The following CNTN5 variants were observed in gnomAD, a reference collection of about 807,000 sequenced individuals.
CNTN5 encodes the protein contactin 5.
CNTN5 carries 77 observed loss-of-function variants against 129.1 expected under a neutral mutation model. That is an observed-to-expected ratio of 0.60 (90% CI 0.50 to 0.72). CNTN5 has a LOEUF of 0.72. Among genes scored for constraint, CNTN5 ranks in the 30% least tolerant of loss-of-function variants. The probability of loss-of-function intolerance (pLI) is 0.00; values close to 1 mark genes in which losing one functional copy is unlikely to be tolerated. For missense variants in CNTN5, 1,478 were observed against 1,328.8 expected (o/e 1.11, Z -1.75); for synonymous variants, 509 against 465.6 (o/e 1.09, Z -1.20).
chr11:99,048,596 A>G (rs564729362), intron 1 of CNTN5, among the ~76,000 whole-genome samples: 1 of 152,258 alleles, frequency 6.6e-6, no homozygotes, highest in South Asian at 2.1e-4. Flanking sequence ...CCTGAAGTGT[A>G]TTTTTCTGGT....
At chr11:99,048,744 G>A (rs1864312269) in intron 1 of CNTN5, among the ~76,000 whole-genome samples, 1 of 152,120 alleles carries the variant, frequency 6.6e-6, no homozygotes, top group Non-Finnish European at 1.5e-5. Flanking sequence ...GTATTGTTTA[G>A]ACAAGAAATT....
At chr11:99,179,045 C>T (rs954147660) in intron 1 of CNTN5, among the ~76,000 whole-genome samples, 2 of 152,082 alleles carry the variant, frequency 1.3e-5, no homozygotes, top group African/African-American at 4.8e-5. Flanking sequence ...CATGGAAATG[C>T]ATATATCTGT....
Position 100,002,095 on chromosome 11 carries a change from T to C in CNTN5, c.939T>C (p.Ala313=), listed in dbSNP as rs746678590. 22 of 1,598,016 alleles carry C rather than the reference T, an allele frequency of 1.4e-5. No individual in the cohort carries two copies. The Admixed American group carries it at 3.6e-4, about 26-fold the overall frequency. ...EVHFPFTVTA[A]KGTTVKMECF... ...ATTTTCCTTTCACGGTTACAGCTGC[T>C]AAAGGAACAACTGTTAAGATGGAAT... The change falls in exon 9 of 25, where the codon GCT becomes GCC. Residue 313 remains alanine (A), a synonymous_variant. Transcript: ENST00000524871.
At chr11:99,959,265 T>G (rs931686411) in intron 8 of CNTN5, among the ~76,000 whole-genome samples, 1 of 152,198 alleles carries the variant, frequency 6.6e-6, no homozygotes, top group Admixed American at 6.5e-5. Flanking sequence ...ATCCCAAGTT[T>G]CTGTGGACAG....
intron 2 of CNTN5, among the ~76,000 whole-genome samples, chr11:99,370,871 T>TAA (rs1939778449): frequency 6.6e-6 from 1 of 152,178 alleles, no homozygotes; most frequent in Non-Finnish European, 1.5e-5. Flanking sequence ...CAAAAGATAA[T>TAA]AAAAGAGTAG....
chr11:99,591,331 C>A (rs1453262573), intron 3 of CNTN5, among the ~76,000 whole-genome samples: 1 of 113,180 alleles, frequency 8.8e-6, no homozygotes, highest in Non-Finnish European at 1.7e-5. Context: ...CATGACTCAA[C>A]AAAACCTTTT....
At chr11:99,786,643 G>C (rs920020429) in intron 3 of CNTN5, among the ~76,000 whole-genome samples, 1 of 152,124 alleles carries the variant, frequency 6.6e-6, no homozygotes, top group African/African-American at 2.4e-5. Context: ...CATGGTACTG[G>C]TACCAAAACA....
Position 99,900,632 on chromosome 11 carries a change from T to C in CNTN5, c.578-15422T>C, listed in dbSNP as rs549783927. ...TATGTAATAGATATTTCTACAACCC[T>C]TTACTTTGAACCTATGGATGTCATT... On this transcript the variant is annotated intron_variant, in intron 6 of 24. Coordinates refer to ENST00000524871, the MANE Select transcript of CNTN5 (RefSeq NM_014361.4). Among the ~76,000 whole-genome samples, 14 of 152,284 alleles carry C rather than the reference T, an allele frequency of 9.2e-5. No homozygotes were observed. The East Asian group carries it at 2.5e-3, about 27-fold the overall frequency.
intron 1 of CNTN5, among the ~76,000 whole-genome samples, chr11:99,261,199 A>ATAC (rs1862612292): frequency 6.6e-6 from 1 of 152,092 alleles, no homozygotes; most frequent in Admixed American, 6.6e-5. Flanking sequence ...ACATACCATA[A>ATAC]GTCCCATGAA....
intron 18 of CNTN5, among the ~76,000 whole-genome samples, chr11:100,273,753 A>G (rs1254321191): frequency 6.6e-6 from 1 of 152,168 alleles, no homozygotes; most frequent in Non-Finnish European, 1.5e-5. Flanking sequence ...ACCCGCTAGC[A>G]CTCAAAAATA....
intron 8 of CNTN5, among the ~76,000 whole-genome samples, chr11:99,986,295 TTCA>T (rs1331364264): frequency 6.6e-6 from 1 of 152,210 alleles, no homozygotes; most frequent in Non-Finnish European, 1.5e-5. Flanking sequence ...CTATGCCCCA[TTCA>T]TTTCATGATT....
chr11:99,033,049 G>C (rs1421521014), intron 1 of CNTN5, among the ~76,000 whole-genome samples: 47 of 145,310 alleles, frequency 3.2e-4, no homozygotes, highest in African/African-American at 1.1e-3. Flanking sequence ...GCTTGTTTTT[G>C]TCAGGTTTGT....
At chr11:99,611,063 T>C (rs1021389245) in intron 3 of CNTN5, among the ~76,000 whole-genome samples, 2 of 152,192 alleles carry the variant, frequency 1.3e-5, no homozygotes, top group African/African-American at 4.8e-5. Flanking sequence ...AAGGTCTCCA[T>C]TCACTTTTTT....
At chr11:99,968,574 A>G (rs146236594) in intron 8 of CNTN5, among the ~76,000 whole-genome samples, 90 of 151,692 alleles carry the variant, frequency 5.9e-4, no homozygotes, top group African/African-American at 2.1e-3. Flanking sequence ...GTACTCAACA[A>G]TGGAATGTAG....
chr11:100,145,442 T>A (rs1946821725), intron 13 of CNTN5, among the ~76,000 whole-genome samples: 1 of 152,162 alleles, frequency 6.6e-6, no homozygotes, highest in African/African-American at 2.4e-5. Context: ...AAATTTCTGA[T>A]GAGTGACTCT....
intron 1 of CNTN5, among the ~76,000 whole-genome samples, chr11:99,077,892 T>C (rs907280108): frequency 6.6e-6 from 1 of 152,154 alleles, no homozygotes; most frequent in Non-Finnish European, 1.5e-5. Context: ...TGTGAGTCAA[T>C]TGAACCTCTT....
At chr11:99,505,820 C>G (rs1330893449) in intron 2 of CNTN5, among the ~76,000 whole-genome samples, 1 of 152,122 alleles carries the variant, frequency 6.6e-6, no homozygotes, top group African/African-American at 2.4e-5. Context: ...CCTCTTTTCC[C>G]CACTTAGAAT....
At chr11:99,206,647 A>G (rs1005153221) in intron 1 of CNTN5, among the ~76,000 whole-genome samples, 1 of 152,002 alleles carries the variant, frequency 6.6e-6, no homozygotes, top group African/African-American at 2.4e-5. Flanking sequence ...AACTAAGTAT[A>G]CCTTCTGTTG....
At chr11:99,529,570 C>T (rs1226007816) in intron 2 of CNTN5, among the ~76,000 whole-genome samples, 1 of 152,082 alleles carries the variant, frequency 6.6e-6, no homozygotes, top group African/African-American at 2.4e-5. Flanking sequence ...AGGGTTAAGG[C>T]ATTTGGGATT....
Sources: allele counts gnomAD v4.1 joint callset (sites outside exome capture counted in the v4.1 genomes callset), GRCh38; gene constraint gnomAD v4.1.1; transcripts MANE v1.5; gene names NCBI Gene and HGNC (gene_info 2026-07-23, HGNC 2026-07-21).